R3HDM2: variants seen among roughly 807,000 people sequenced by gnomAD.
R3HDM2 encodes the protein R3H domain-containing protein 2.
A neutral mutation model predicts 124.5 loss-of-function variants in R3HDM2; 38 were observed. That is an observed-to-expected ratio of 0.31 (90% CI 0.24 to 0.40). The LOEUF is 0.40. R3HDM2 is among the 10% of genes least tolerant of loss of function. The pLI is 1.00. For missense variants in R3HDM2, 869 were observed against 1,236.9 expected (o/e 0.70, Z 4.46); for synonymous variants, 391 against 448.0 (o/e 0.87, Z 1.61).
chr12:57,402,463 C>T (rs1280587248), intron 1 of R3HDM2, among the ~76,000 whole-genome samples: 1 of 152,078 alleles, frequency 6.6e-6, no homozygotes, highest in Non-Finnish European at 1.5e-5. Flanking sequence ...ATTCTCATAC[C>T]TCAGCCTCCC....
intron 1 of R3HDM2, among the ~76,000 whole-genome samples, chr12:57,416,008 A>T (rs1472310175): frequency 6.6e-6 from 1 of 152,218 alleles, no homozygotes; most frequent in Admixed American, 6.5e-5. Context: ...AGAAATTTAA[A>T]TATGGACTGT....
chr12:57,305,785 T>TG (rs1269048848), intron 3 of R3HDM2: 8 of 394,568 alleles, frequency 2.0e-5, no homozygotes, highest in Non-Finnish European at 3.6e-5. Flanking sequence ...AACCCATAGA[T>TG]TCATACATTT....
rs55889985 is a variant in R3HDM2 at position 57,427,435 on chromosome 12, A to G, written c.-106+3285T>C. On this transcript the variant is annotated intron_variant, in intron 1 of 23. Transcript: ENST00000402412. ...CACGATCTCAGCTCACTGCAACCTC[A>G]GCCTCCCAGGTTCAAGCCACTCTCC... Among the ~76,000 whole-genome samples, 183 of 150,242 alleles carry G rather than the reference A, an allele frequency of 1.2e-3. 1 individual carries two copies. Among genetic ancestry groups the G allele is most frequent in the African/African-American group, 4.1e-3 (167 of 41,022 alleles).
Position 57,299,431 on chromosome 12 carries a change from T to C in R3HDM2, c.342A>G (p.Glu114=), listed in dbSNP as rs979520475. The C allele has an allele frequency of 1.3e-6, 2 of 1,544,422 alleles. No homozygotes were observed. The highest frequency in any genetic ancestry group is 3.9e-5 in the Admixed American group (2 of 51,004). The part of the protein sequence containing the change: ...HISCPSDKEE[E]KSTKDVSEKE... ...TTTCAGAGACATCTTTTGTGGACTTTTCTTCCTCCTTGTCAGAAGGGCAAC... is the reference window on the plus strand; with the variant it reads ...TTTCAGAGACATCTTTTGTGGACTTCTCTTCCTCCTTGTCAGAAGGGCAAC... Residue 114 remains glutamate, a synonymous_variant, in exon 6 of 24, where the codon GAA becomes GAG. Coordinates refer to ENST00000402412, the MANE Select transcript of R3HDM2 (RefSeq NM_001394031.1).
At chr12:57,395,884 C>A in intron 1 of R3HDM2, 66 bp from the exon 2 acceptor site, 1 of 737,880 alleles carries the variant, frequency 1.4e-6, no homozygotes, top group Non-Finnish European at 1.7e-6. Context: ...ATATTAGATC[C>A]AATTCAAAAT....
intron 1 of R3HDM2, among the ~76,000 whole-genome samples, chr12:57,407,998 C>CA (rs1312146768): frequency 6.6e-6 from 1 of 152,070 alleles, no homozygotes; most frequent in East Asian, 1.9e-4. Context: ...GGCGCAAACT[C>CA]AGCTAACTGC....
At chr12:57,431,052 G>C (rs1869791424), upstream of R3HDM2, 1 of 152,464 alleles carries the variant, frequency 6.6e-6, no homozygotes, top group Non-Finnish European at 1.5e-5. Context: ...ACTACGTCCG[G>C]CGTTGTCGTC....
intron 12 of R3HDM2, 51 bp from the exon 13 acceptor site, chr12:57,284,107 A>G: frequency 4.2e-6 from 6 of 1,439,768 alleles, no homozygotes; most frequent in Non-Finnish European, 5.7e-6. Context: ...CTTTAGCAGA[A>G]GGGCTAGGAG....
At chr12:57,396,485 A>G (rs994910468) in intron 1 of R3HDM2, among the ~76,000 whole-genome samples, 19 of 151,276 alleles carry the variant, frequency 1.3e-4, no homozygotes, top group Admixed American at 4.0e-4. Context: ...AAAAATAAAA[A>G]AGAGTAGTCT....
chr12:57,422,853 G>T (rs1323574434), intron 1 of R3HDM2, among the ~76,000 whole-genome samples: 2 of 152,120 alleles, frequency 1.3e-5, no homozygotes, highest in African/African-American at 4.8e-5. Context: ...ATGTGATGGT[G>T]TGTACCTGTA....
intron 2 of R3HDM2, among the ~76,000 whole-genome samples, chr12:57,375,132 A>G (rs1345582638): frequency 2.6e-5 from 4 of 152,052 alleles, no homozygotes; most frequent in Non-Finnish European, 5.9e-5. Flanking sequence ...AATATTCTGC[A>G]TCCAAAACTG....
intron 1 of R3HDM2, chr12:57,415,240 CG>C (rs1174448516): frequency 6.6e-6 from 1 of 151,808 alleles, no homozygotes; most frequent in African/African-American, 2.4e-5. Context: ...CAATACCAGC[CG>C]TAAATGCAGA....
intron 1 of R3HDM2, among the ~76,000 whole-genome samples, chr12:57,423,178 T>C (rs1320303334): frequency 6.6e-6 from 1 of 151,960 alleles, no homozygotes; most frequent in East Asian, 1.9e-4. Flanking sequence ...TCCCAGCACT[T>C]TGGGAGGCCA....
Position 57,364,143 on chromosome 12 carries a change from CTTTT to C in R3HDM2, c.-36+31602_-36+31605del, listed in dbSNP as rs11320875. ...TATGAAAATAGCACAGACTCGGTGTCTTTTTTTTTTTTTTTTTTTTTTCAGATGG... is the reference window on the plus strand; with the variant it reads ...TATGAAAATAGCACAGACTCGGTGTCTTTTTTTTTTTTTTTTTTCAGATGG... On this transcript the variant is annotated intron_variant, in intron 2 of 23. Transcript: ENST00000402412. 1.3e-3 allele frequency among the ~76,000 whole-genome samples: 103 copies of C among 81,612 alleles called. No individual in the cohort carries two copies. The Middle Eastern group carries it at 0.024, about 19-fold the overall frequency. 53.5% of individuals were successfully genotyped at this position (81,612 alleles called of 152,430 possible).
chr12:57,358,267 G>A (rs934918803), intron 2 of R3HDM2, among the ~76,000 whole-genome samples: 7 of 151,996 alleles, frequency 4.6e-5, no homozygotes, highest in Admixed American at 1.3e-4. Flanking sequence ...GGTTACAGGC[G>A]TGAGCCACCG....
At chr12:57,392,804 CTTTTTT>C (rs1183514418) in intron 2 of R3HDM2, among the ~76,000 whole-genome samples, 1 of 127,524 alleles carries the variant, frequency 7.8e-6, no homozygotes, top group Admixed American at 8.6e-5. Flanking sequence ...CTATAGTACA[CTTTTTT>C]TTTTTTTTTT....
Position 57,300,192 on chromosome 12 carries a change from C to G in R3HDM2, c.208-11G>C. 6.5e-7 allele frequency: 1 copy of G among 1,548,118 alleles called. No homozygotes were observed. The highest frequency in any genetic ancestry group is 1.2e-5 in the South Asian group (1 of 83,858). ...TAGCTTGGAATTAGACTGAAAAAAACAAAAAACAATTTTCAATTTTTTTAA... is the reference window on the plus strand; with the variant it reads ...TAGCTTGGAATTAGACTGAAAAAAAGAAAAAACAATTTTCAATTTTTTTAA... On this transcript the variant is annotated splice_polypyrimidine_tract_variant and intron_variant, in intron 4 of 23. Coordinates refer to ENST00000402412, the MANE Select transcript of R3HDM2 (RefSeq NM_001394031.1).
chr12:57,270,430 G>GTT (rs1001625404), intron 14 of R3HDM2, among the ~76,000 whole-genome samples: 3 of 137,358 alleles, frequency 2.2e-5, no homozygotes, highest in Non-Finnish European at 3.2e-5. Context: ...GTTTTGTTTT[G>GTT]TTTTTTGTTT....
chr12:57,396,588 C>T (rs959721795), intron 1 of R3HDM2, among the ~76,000 whole-genome samples: 30 of 151,762 alleles, frequency 2.0e-4, no homozygotes, highest in Non-Finnish European at 4.4e-5. Flanking sequence ...ACCAGCCTGG[C>T]AAAGATGGTG....
Sources: gnomAD v4.1 joint callset for allele counts (sites outside exome capture counted in the v4.1 genomes callset) on GRCh38, gnomAD v4.1.1 for gene constraint, MANE v1.5 for transcripts, NCBI Gene and HGNC (gene_info 2026-07-23, HGNC 2026-07-21) for gene names.